The following CNTNAP5 variants were observed in gnomAD, a reference collection of about 807,000 sequenced individuals.
CNTNAP5 encodes contactin-associated protein-like 5.
Under a neutral mutation model 150.2 loss-of-function variants are expected in CNTNAP5, and 72 were observed. The ratio of observed to expected loss-of-function variants is 0.48; its 90% confidence interval spans 0.40 to 0.58. The LOEUF is 0.58. CNTNAP5 is among the 20% of genes least tolerant of loss of function. The pLI is 0.00. For synonymous variants in CNTNAP5, 672 were observed against 619.8 expected, an observed-to-expected ratio of 1.08 and a Z score of -1.25; for missense variants, 1,636 against 1,626.2, an observed-to-expected ratio of 1.01 and a Z score of -0.10.
chr2:124,240,677 A>C (rs995816297), intron 2 of CNTNAP5, among the ~76,000 whole-genome samples: 3 of 152,176 alleles, frequency 2.0e-5, no homozygotes, highest in Non-Finnish European at 4.4e-5. Context: ...AAAAGAAAAA[A>C]ATCAAAACTT....
chr2:124,627,418 A>T (rs72974516), intron 12 of CNTNAP5, among the ~76,000 whole-genome samples: 1,561 of 152,120 alleles, frequency 0.01, 26 homozygotes, highest in African/African-American at 0.035. Flanking sequence ...TGTACTGGTG[A>T]TATCCAGGAG....
intron 1 of CNTNAP5, among the ~76,000 whole-genome samples, chr2:124,049,044 C>G (rs534451292): frequency 6.6e-6 from 1 of 152,202 alleles, no homozygotes; most frequent in African/African-American, 2.4e-5. Context: ...GTGCTTCCCC[C>G]ATTTGCTTAG....
chr2:124,849,982 G>C (rs1037229887), intron 19 of CNTNAP5, among the ~76,000 whole-genome samples: 7 of 152,164 alleles, frequency 4.6e-5, no homozygotes, highest in African/African-American at 1.7e-4. Flanking sequence ...GGGAAGAACT[G>C]TGTGAAATGG....
At chr2:124,256,723 T>C (rs1687325009) in intron 3 of CNTNAP5, among the ~76,000 whole-genome samples, 1 of 152,296 alleles carries the variant, frequency 6.6e-6, no homozygotes. Context: ...AAGAACAAAG[T>C]CACTCTTCTA....
chr2:124,808,842 A>G (rs568646541), intron 19 of CNTNAP5, among the ~76,000 whole-genome samples: 154 of 152,220 alleles, frequency 1.0e-3, no homozygotes, highest in African/African-American at 3.6e-3. Context: ...ATAGAAGTTG[A>G]ACCAAAGATT....
intron 19 of CNTNAP5, among the ~76,000 whole-genome samples, chr2:124,856,996 A>T (rs537100933): frequency 1.3e-5 from 2 of 152,254 alleles, no homozygotes; most frequent in South Asian, 4.2e-4. Context: ...CACAGGAGTG[A>T]TACAAAAAGC....
At chr2:124,789,809 G>GAACT (rs1217730649) in intron 17 of CNTNAP5, 93 bp from the exon 18 acceptor site, 37 of 1,147,246 alleles carry the variant, frequency 3.2e-5, no homozygotes, top group Non-Finnish European at 4.5e-5. Context: ...TGACAACAGA[G>GAACT]AACTACTTAA....
At chr2:124,392,048 G>A (rs1691126805) in intron 3 of CNTNAP5, among the ~76,000 whole-genome samples, 1 of 152,148 alleles carries the variant, frequency 6.6e-6, no homozygotes, top group Admixed American at 6.5e-5. Context: ...AAGTCAGGGA[G>A]GTTAGAGAAA....
chr2:124,452,941 A>G (rs900197022), intron 6 of CNTNAP5, among the ~76,000 whole-genome samples: 16 of 152,164 alleles, frequency 1.1e-4, no homozygotes, highest in Admixed American at 9.2e-4. Context: ...CAGAAAACCA[A>G]CTCTGATTAT....
chr2:124,808,748 C>A (rs1682137051), intron 19 of CNTNAP5, among the ~76,000 whole-genome samples: 1 of 152,132 alleles, frequency 6.6e-6, no homozygotes, highest in Non-Finnish European at 1.5e-5. Context: ...GCTGCCTCTG[C>A]CCCAATGTTT....
intron 8 of CNTNAP5, among the ~76,000 whole-genome samples, chr2:124,513,956 G>A (rs1465170703): frequency 1.3e-5 from 2 of 152,150 alleles, no homozygotes; most frequent in Non-Finnish European, 2.9e-5. Flanking sequence ...TAAACATGAC[G>A]AGGCCGCAAG....
intron 21 of CNTNAP5, among the ~76,000 whole-genome samples, chr2:124,884,627 C>A (rs1418953507): frequency 6.6e-6 from 1 of 151,888 alleles, no homozygotes; most frequent in Non-Finnish European, 1.5e-5. Context: ...TTGGGACAGG[C>A]ACATTTCCTA....
chr2:124,407,046 G>A (rs1218064537), intron 3 of CNTNAP5, among the ~76,000 whole-genome samples: 4 of 152,068 alleles, frequency 2.6e-5, no homozygotes, highest in African/African-American at 9.7e-5. Flanking sequence ...CCTTTTTTAT[G>A]GCTGAATAAT....
chr2:124,065,928 G>A (rs958069151), intron 1 of CNTNAP5, among the ~76,000 whole-genome samples: 5 of 152,156 alleles, frequency 3.3e-5, no homozygotes, highest in East Asian at 1.9e-4. Context: ...AAAAAAGGAC[G>A]ATGTATTCAC....
chr2:124,878,058 A>G (rs1677896115), intron 21 of CNTNAP5, among the ~76,000 whole-genome samples: 3 of 152,052 alleles, frequency 2.0e-5, no homozygotes, highest in Admixed American at 2.0e-4. Flanking sequence ...CTCCTAATAA[A>G]TCCTGCCACA....
chr2:124,535,463 A>T (rs1427719554), intron 10 of CNTNAP5, among the ~76,000 whole-genome samples: 1 of 152,108 alleles, frequency 6.6e-6, no homozygotes, highest in African/African-American at 2.4e-5. Context: ...ATTTTCTCCC[A>T]CACACATTCA....
intron 14 of CNTNAP5, among the ~76,000 whole-genome samples, chr2:124,754,694 T>TC (rs1372654050): frequency 6.6e-6 from 1 of 152,098 alleles, no homozygotes; most frequent in Non-Finnish European, 1.5e-5. Flanking sequence ...AATTTTTTTT[T>TC]ATTTTGTTTT....
intron 1 of CNTNAP5, among the ~76,000 whole-genome samples, chr2:124,181,837 G>A (rs972702138): frequency 1.3e-5 from 2 of 152,122 alleles, no homozygotes; most frequent in African/African-American, 4.8e-5. Flanking sequence ...TTTGTACAAT[G>A]ATGATGATGG....
At chr2:124,373,715 G>A (rs1690582252) in intron 3 of CNTNAP5, among the ~76,000 whole-genome samples, 1 of 151,948 alleles carries the variant, frequency 6.6e-6, no homozygotes, top group Non-Finnish European at 1.5e-5. Context: ...TATATTATGA[G>A]CAATGTGATT....
Sources: gnomAD v4.1 joint callset for allele counts (sites outside exome capture counted in the v4.1 genomes callset) on GRCh38, gnomAD v4.1.1 for gene constraint, MANE v1.5 for transcripts, NCBI Gene and HGNC (gene_info 2026-07-23, HGNC 2026-07-21) for gene names.